The following CDH4 variants were observed in gnomAD, a reference collection of about 807,000 sequenced individuals.
The protein encoded by CDH4 is cadherin 4, also known as cadherin-4.
A neutral mutation model predicts 86.0 loss-of-function variants in CDH4; 33 were observed. The observed-to-expected ratio is 0.38, with a 90% confidence interval of 0.29 to 0.51. The LOEUF is 0.51. CDH4 is among the 20% of genes least tolerant of loss of function. CDH4 has a pLI of 0.86. For synonymous variants in CDH4, 555 were observed against 549.4 expected, an observed-to-expected ratio of 1.01 and a Z score of -0.14; for missense variants, 1,114 against 1,307.4, an observed-to-expected ratio of 0.85 and a Z score of 2.28.
chr20:61,464,708 G>C (rs1220005354), intron 2 of CDH4, among the ~76,000 whole-genome samples: 1 of 152,124 alleles, frequency 6.6e-6, no homozygotes, highest in Non-Finnish European at 1.5e-5. Flanking sequence ...AACTAACATA[G>C]GTGTCTCTGC....
rs1600982171 is a variant in CDH4, at chr20:61,782,423, A to G, written c.576+9241A>G. ...ATAAAGGATGTTCCTCAGGCCAGAA[A>G]CAAATGACACCAGTTGGAAATCCAC... On this transcript the variant is annotated intron_variant, in intron 4 of 15. Transcript: ENST00000614565. Among the ~76,000 whole-genome samples, 4 of 152,360 alleles carry G rather than the reference A, an allele frequency of 2.6e-5. No homozygotes were observed. In the South Asian group the frequency reaches 6.2e-4, roughly 24 times the overall value.
chr20:61,558,777 C>T (rs2086195199), intron 2 of CDH4, among the ~76,000 whole-genome samples: 1 of 152,218 alleles, frequency 6.6e-6, no homozygotes, highest in African/African-American at 2.4e-5. Flanking sequence ...AAGTCATTGC[C>T]TGCATTTACC....
chr20:61,576,746 G>C (rs951342886), intron 2 of CDH4, among the ~76,000 whole-genome samples: 1 of 152,152 alleles, frequency 6.6e-6, no homozygotes, highest in African/African-American at 2.4e-5. Flanking sequence ...CTCTAATGCT[G>C]GGTGCTCAGA....
intron 2 of CDH4, among the ~76,000 whole-genome samples, chr20:61,593,218 G>A (rs2086530818): frequency 1.3e-5 from 2 of 152,246 alleles, no homozygotes; most frequent in Admixed American, 1.3e-4. Flanking sequence ...CACGCTCATG[G>A]GCTACACTTT....
rs1980423056 is a variant in CDH4, at chr20:61,811,321, A to T, written c.577-33347A>T. ...ATGCCGGCAGCCCAAGACCGCCCTC[A>T]TCGGGGGTGGGAATGAAATGCCCCT... On this transcript the variant is annotated intron_variant, in intron 4 of 15. Transcript: ENST00000614565. This position sits in a 1 kb window ranked among gnomAD's most constrained non-coding sequence, Gnocchi z 4.4. Among the ~76,000 whole-genome samples, 1 of 152,190 alleles carries T rather than the reference A, an allele frequency of 6.6e-6. No homozygotes were observed.
intron 9 of CDH4, 128 bp from the exon 10 acceptor site, chr20:61,923,323 A>C: frequency 1.1e-6 from 1 of 919,346 alleles, no homozygotes; most frequent in Middle Eastern, 2.2e-4. Flanking sequence ...TCCTGGCTAA[A>C]GAGCAGAGCA....
At chr20:61,851,729 G>T (rs1023652741) in intron 5 of CDH4, among the ~76,000 whole-genome samples, 1 of 152,118 alleles carries the variant, frequency 6.6e-6, no homozygotes, top group Non-Finnish European at 1.5e-5. Context: ...TGCCGGCAGC[G>T]CCCAGCCTCT....
rs777771488 is a variant in CDH4 at position 61,480,955 on chromosome 20, G to A, written c.169+226018G>A. Among the ~76,000 whole-genome samples the A allele has an allele frequency of 3.3e-5, 5 of 152,304 alleles. No homozygotes were observed. The highest frequency in any genetic ancestry group is 1.2e-4 in the African/African-American group (5 of 41,574). The stretch of plus-strand genomic sequence containing the variant: ...GCTACTGTTTATAAAGTGTGTCCAC[G>A]TTGATGATTCTGCTTGGTAGTCAGA... On this transcript the variant is annotated intron_variant, in intron 2 of 15. Transcript: ENST00000614565. The surrounding 1 kb of genome is among the most constrained non-coding windows in gnomAD (Gnocchi z 5.2).
chr20:61,318,712 G>A lies in CDH4; in HGVS notation c.169+63775G>A, dbSNP rs190511908. ...TAGAAGCTCAGTGAGGTCAAGAAGC[G>A]TGTTGAGCTCTTTGGCTTTATGTTA... On this transcript the variant is annotated intron_variant, in intron 2 of 15. Transcript: ENST00000614565. Among the ~76,000 whole-genome samples, 24 of 152,346 alleles carry A rather than the reference G, an allele frequency of 1.6e-4. No homozygotes were observed. In the East Asian group the frequency reaches 2.7e-3, roughly 17 times the overall value.
intron 6 of CDH4, among the ~76,000 whole-genome samples, chr20:61,862,035 G>C (rs377550395): frequency 6.6e-6 from 1 of 152,188 alleles, no homozygotes; most frequent in African/African-American, 2.4e-5. Flanking sequence ...CCCTGTCCCC[G>C]GGCCCTGGCA....
At chr20:61,368,172 C>G (rs1245058372) in intron 2 of CDH4, among the ~76,000 whole-genome samples, 1 of 152,046 alleles carries the variant, frequency 6.6e-6, no homozygotes, top group African/African-American at 2.4e-5. Context: ...CCCGGCCTCT[C>G]CAGACTCTTA....
chr20:61,514,903 G>A (rs2427152), intron 2 of CDH4, among the ~76,000 whole-genome samples: 87,394 of 151,924 alleles, frequency 0.58, 25,358 homozygotes, highest in African/African-American at 0.63. Flanking sequence ...ATGGGGTGGG[G>A]GGAAGGGCCC....
intron 2 of CDH4, among the ~76,000 whole-genome samples, chr20:61,693,550 TGCCCA>T (rs2087682906): frequency 6.6e-6 from 1 of 152,376 alleles, no homozygotes; most frequent in Admixed American, 6.5e-5. Context: ...CAGTGCCTGC[TGCCCA>T]GCCCACCTGC....
chr20:61,475,293 A>C (rs2085527635), intron 2 of CDH4, among the ~76,000 whole-genome samples: 1 of 151,514 alleles, frequency 6.6e-6, no homozygotes, highest in Admixed American at 6.6e-5. Flanking sequence ...CCTTCTACCA[A>C]CCCCAGCCCC....
At chr20:61,572,866 T>C (rs74338906) in intron 2 of CDH4, among the ~76,000 whole-genome samples, 196 of 150,584 alleles carry the variant, frequency 1.3e-3, no homozygotes, top group African/African-American at 4.5e-3. Flanking sequence ...GATGGATGGA[T>C]GGACAGACAG....
intron 2 of CDH4, among the ~76,000 whole-genome samples, chr20:61,611,449 G>C (rs1385280208): frequency 6.6e-6 from 1 of 152,042 alleles, no homozygotes; most frequent in Non-Finnish European, 1.5e-5. Context: ...GATGAGGTTG[G>C]TGATCCCAGA....
intron 2 of CDH4, among the ~76,000 whole-genome samples, chr20:61,534,648 C>CTTTCTTTTTTTTTTTTTTTTTTT (rs1568881693): frequency 2.8e-5 from 3 of 108,384 alleles, no homozygotes; most frequent in African/African-American, 1.1e-4. Flanking sequence ...TTCTTTCTTT[C>CTTTCTTTTTTTTTTTTTTTTTTT]TTTTCTTTCT....
chr20:61,591,117 T>C (rs1182083747), intron 2 of CDH4, among the ~76,000 whole-genome samples: 1 of 152,086 alleles, frequency 6.6e-6, no homozygotes, highest in Non-Finnish European at 1.5e-5. Context: ...GGGCTGGACC[T>C]ACTAATAAGT....
intron 3 of CDH4, among the ~76,000 whole-genome samples, chr20:61,766,578 C>T (rs2088700781): frequency 6.6e-6 from 1 of 152,198 alleles, no homozygotes; most frequent in South Asian, 2.1e-4. Context: ...CTGATCATCC[C>T]CCTTTCACAG....
Sources: gnomAD v4.1 joint callset for allele counts (sites outside exome capture counted in the v4.1 genomes callset) on GRCh38, gnomAD v4.1.1 for gene constraint, Gnocchi (gnomAD v3.1) non-coding constraint, MANE v1.5 for transcripts, NCBI Gene and HGNC (gene_info 2026-07-23, HGNC 2026-07-21) for gene names.